Variants in INSC observed in about 807,000 individuals in gnomAD.
INSC encodes the protein INSC spindle orientation adaptor protein.
INSC carries 67 observed loss-of-function variants against 58.6 expected under a neutral mutation model. The ratio of observed to expected loss-of-function variants is 1.14; its 90% CI spans 0.94 to 1.40. The LOEUF is 1.40. Among genes scored for constraint, INSC ranks in the 40% most tolerant of loss-of-function variants. The pLI is 0.00. For missense variants in INSC, 714 were observed against 692.0 expected (o/e 1.03, Z -0.36); for synonymous variants, 262 against 276.1 (o/e 0.95, Z 0.51).
chr11:15,230,967 G>T (rs983477120), intron 9 of INSC, among the ~76,000 whole-genome samples: 34 of 152,174 alleles, frequency 2.2e-4, no homozygotes, highest in African/African-American at 7.2e-4. Flanking sequence ...GAAGCCATCT[G>T]CTTGTCTCTG....
chr11:15,155,727 C>A (rs1321177460), intron 2 of INSC, among the ~76,000 whole-genome samples: 1 of 152,096 alleles, frequency 6.6e-6, no homozygotes, highest in Non-Finnish European at 1.5e-5. Context: ...AATCCAAATT[C>A]CAGAATTTGA....
intron 1 of INSC, among the ~76,000 whole-genome samples, chr11:15,131,098 A>G (rs181595974): frequency 4.4e-4 from 67 of 151,842 alleles, no homozygotes; most frequent in African/African-American, 1.6e-3. Flanking sequence ...CTTAAGTTGG[A>G]GATTATTATG....
chr11:15,252,318 C>T, the INSC span, among the ~76,000 whole-genome samples: 1 of 152,198 alleles, frequency 6.6e-6, no homozygotes. Flanking sequence ...TGTGAATATA[C>T]TGAAAATCCA....
At chr11:15,200,356 A>C (rs1850535605) in intron 6 of INSC, among the ~76,000 whole-genome samples, 1 of 152,154 alleles carries the variant, frequency 6.6e-6, no homozygotes, top group Non-Finnish European at 1.5e-5. Context: ...AATCTGAGGA[A>C]TAGCATGGTG....
chr11:15,234,325 G>A (rs1852038125), intron 9 of INSC, among the ~76,000 whole-genome samples: 1 of 152,186 alleles, frequency 6.6e-6, no homozygotes, highest in South Asian at 2.1e-4. Context: ...GAAGGAAAGG[G>A]GAGAGATAGA....
chr11:15,163,432 C>T (rs1849085769), intron 2 of INSC, among the ~76,000 whole-genome samples: 1 of 151,986 alleles, frequency 6.6e-6, no homozygotes, highest in Admixed American at 6.6e-5. Flanking sequence ...AGTTTTAAGT[C>T]CCCTCCCCCA....
intron 6 of INSC, among the ~76,000 whole-genome samples, chr11:15,197,273 C>T (rs746881790): frequency 1.7e-4 from 26 of 152,182 alleles, no homozygotes; most frequent in Admixed American, 2.6e-4. Flanking sequence ...AGTGTTGAAG[C>T]AGAGAAAAGA....
rs1847657989 is a variant in INSC at position 15,115,004 on chromosome 11, G to A, written c.-46+1G>A. The stretch of plus-strand genomic sequence containing the variant: ...ACTACCAGCCTGTCTCGCACGCTAA[G>A]TAAGTAGACAGCTCCCCTAGCTGGA... On this transcript the variant is annotated splice_donor_variant, in intron 1 of 12. Coordinates refer to ENST00000379556, the MANE Select transcript of INSC (RefSeq NM_001042536.3). LOFTEE classifies it low-confidence loss of function (5UTR_SPLICE). 2.0e-6 allele frequency: 2 copies of A among 985,402 alleles called. No homozygotes were observed. Among genetic ancestry groups the A allele is most frequent in the Non-Finnish European group, 2.4e-6 (2 of 829,964 alleles). 61.0% of individuals were successfully genotyped at this position (985,402 alleles called of 1,614,324 possible).
At chr11:15,170,481 T>C (rs1849358489) in intron 2 of INSC, among the ~76,000 whole-genome samples, 2 of 152,170 alleles carry the variant, frequency 1.3e-5, no homozygotes, top group Admixed American at 1.3e-4. Context: ...TCCCTCATCA[T>C]GAGACTGAGG....
chr11:15,111,899 G>C (rs1847582163), upstream of INSC, among the ~76,000 whole-genome samples: 1 of 152,184 alleles, frequency 6.6e-6, no homozygotes, highest in African/African-American at 2.4e-5. Context: ...GTTTCTTCAT[G>C]TGTAAAATAG....
intron 2 of INSC, among the ~76,000 whole-genome samples, chr11:15,150,000 T>C (rs1347009963): frequency 6.6e-6 from 1 of 152,240 alleles, no homozygotes; most frequent in Non-Finnish European, 1.5e-5. Context: ...TGACTTAACA[T>C]CAGGAATTAT....
At chr11:15,256,050 T>C in the INSC span, among the ~76,000 whole-genome samples, 2 of 152,192 alleles carry the variant, frequency 1.3e-5, no homozygotes, top group Non-Finnish European at 2.9e-5. Flanking sequence ...GTTCTCACTT[T>C]GGTGCAAGCC....
chr11:15,134,724 C>A (rs992420568), intron 1 of INSC, among the ~76,000 whole-genome samples: 12 of 152,164 alleles, frequency 7.9e-5, no homozygotes, highest in African/African-American at 2.9e-4. Flanking sequence ...TATGACCCCC[C>A]AATATTAGTG....
At chr11:15,155,605 G>A (rs559816352) in intron 2 of INSC, among the ~76,000 whole-genome samples, 4 of 152,266 alleles carry the variant, frequency 2.6e-5, no homozygotes, top group African/African-American at 9.6e-5. Flanking sequence ...GGCCCATTTG[G>A]GGTGCTTAGT....
upstream of INSC, among the ~76,000 whole-genome samples, chr11:15,113,836 G>A (rs1318368269): frequency 1.3e-5 from 2 of 152,194 alleles, no homozygotes; most frequent in East Asian, 3.9e-4. Flanking sequence ...AAGAAATAGA[G>A]ATTATTAGCA....
chr11:15,169,928 A>G (rs1849337084), intron 2 of INSC, among the ~76,000 whole-genome samples: 1 of 152,204 alleles, frequency 6.6e-6, no homozygotes, highest in Non-Finnish European at 1.5e-5. Context: ...AACTCTAGAC[A>G]TTGCAGTTGT....
the INSC span, among the ~76,000 whole-genome samples, chr11:15,259,231 C>A: frequency 6.8e-4 from 103 of 152,214 alleles, no homozygotes; most frequent in South Asian, 8.7e-3. Flanking sequence ...GTTGGATACA[C>A]CCTATCAAAA....
the INSC span, among the ~76,000 whole-genome samples, chr11:15,257,492 T>C: frequency 6.6e-6 from 1 of 152,188 alleles, no homozygotes; most frequent in South Asian, 2.1e-4. Context: ...AAAGTATTAA[T>C]ACATGGATGG....
chr11:15,185,745 T>G (rs1849941727), intron 5 of INSC, among the ~76,000 whole-genome samples: 1 of 152,170 alleles, frequency 6.6e-6, no homozygotes, highest in African/African-American at 2.4e-5. Flanking sequence ...ATTAAGTTGT[T>G]TTGGTATTTA....
Sources: gnomAD v4.1 joint callset for allele counts (sites outside exome capture counted in the v4.1 genomes callset) on GRCh38, gnomAD v4.1.1 for gene constraint, MANE v1.5 for transcripts, NCBI Gene and HGNC (gene_info 2026-07-23, HGNC 2026-07-21) for gene names.